Variants in PDE1A observed in about 807,000 individuals in gnomAD.
PDE1A encodes phosphodiesterase 1A, also known as dual specificity calcium/calmodulin-dependent 3',5'-cyclic nucleotide phosphodiesterase 1A.
Under a neutral mutation model 61.7 loss-of-function variants are expected in PDE1A, and 35 were observed. The observed-to-expected ratio is 0.57, with a 90% confidence interval of 0.43 to 0.75. PDE1A has a LOEUF of 0.75. PDE1A is among the 30% of genes least tolerant of loss of function. The pLI, the probability that PDE1A is intolerant of heterozygous loss-of-function variation, is 0.00. For missense variants in PDE1A, 597 were observed against 630.6 expected, an observed-to-expected ratio of 0.95 and a Z score of 0.57; for synonymous variants, 232 against 213.2, an observed-to-expected ratio of 1.09 and a Z score of -0.77.
intron 1 of PDE1A, among the ~76,000 whole-genome samples, chr2:182,358,511 C>T (rs1447537166): frequency 2.6e-5 from 4 of 152,070 alleles, no homozygotes; most frequent in South Asian, 2.1e-4. Flanking sequence ...TCCTAGACAC[C>T]GTGTTTTTCT....
At chr2:182,215,581 G>A (rs929121261) in intron 7 of PDE1A, among the ~76,000 whole-genome samples, 2 of 146,058 alleles carry the variant, frequency 1.4e-5, no homozygotes, top group Non-Finnish European at 3.0e-5. Flanking sequence ...TGATAAAGGG[G>A]ATATCACCAC....
the PDE1A span, among the ~76,000 whole-genome samples, chr2:182,609,030 G>T: frequency 3.3e-5 from 5 of 152,216 alleles, no homozygotes; most frequent in African/African-American, 1.2e-4. Context: ...TTAATTTGGT[G>T]GGGACTTGGA....
At chr2:182,648,148 T>G in the PDE1A span, among the ~76,000 whole-genome samples, 1 of 152,176 alleles carries the variant, frequency 6.6e-6, no homozygotes, top group African/African-American at 2.4e-5. Flanking sequence ...TGGCAATCTG[T>G]GCATATAACA....
At chr2:182,188,560 T>C (rs906362122) in intron 11 of PDE1A, among the ~76,000 whole-genome samples, 2 of 152,166 alleles carry the variant, frequency 1.3e-5, no homozygotes, top group Admixed American at 1.3e-4. Context: ...GACAGAATAT[T>C]TTTCCAAATG....
At chr2:182,628,821 C>T in the PDE1A span, among the ~76,000 whole-genome samples, 1 of 152,098 alleles carries the variant, frequency 6.6e-6, no homozygotes, top group Non-Finnish European at 1.5e-5. Flanking sequence ...CTCTTGACCC[C>T]CCCAGTGATC....
chr2:182,560,887 C>T, the PDE1A span, among the ~76,000 whole-genome samples: 1 of 152,116 alleles, frequency 6.6e-6, no homozygotes, highest in Non-Finnish European at 1.5e-5. Flanking sequence ...TCATGTCCTT[C>T]ACCCACTTTT....
chr2:182,440,343 T>A (rs755864411), intron 2 of PDE1A, among the ~76,000 whole-genome samples: 2 of 152,068 alleles, frequency 1.3e-5, no homozygotes, highest in Non-Finnish European at 2.9e-5. Context: ...TATTAGGAGA[T>A]GACAAATTCC....
intron 2 of PDE1A, 32 bp downstream of exon 2, chr2:182,264,269 A>T: frequency 7.1e-7 from 1 of 1,410,378 alleles, no homozygotes; most frequent in Non-Finnish European, 1.0e-6. Context: ...AGAGAATCAA[A>T]GAAGATAAAA....
chr2:182,522,163 G>A lies in PDE1A; in HGVS notation c.101+113C>T, dbSNP rs67483153. The stretch of plus-strand genomic sequence containing the variant: ...CTGAGGTAGGCACATTTTATTTTTC[G>A]AGAGAAAATCTTTCTAAAGGAAACT... On this transcript the variant is annotated intron_variant, in intron 2 of 14. Transcript: ENST00000410103. 0.064 allele frequency: 52,498 copies of A among 814,990 alleles called. 1,858 individuals carry two copies. The highest frequency in any genetic ancestry group is 0.081 in the Admixed American group (3,400 of 41,796). 50.5% of individuals were successfully genotyped at this position (814,990 alleles called of 1,614,324 possible).
chr2:182,197,782 A>G (rs1034221133), intron 10 of PDE1A, among the ~76,000 whole-genome samples: 8 of 151,978 alleles, frequency 5.3e-5, no homozygotes, highest in Admixed American at 1.3e-4. Flanking sequence ...CCCTATGCCA[A>G]TAACACAGTG....
At chr2:182,621,951 A>G in the PDE1A span, among the ~76,000 whole-genome samples, 3 of 152,180 alleles carry the variant, frequency 2.0e-5, no homozygotes, top group African/African-American at 7.2e-5. Flanking sequence ...AGAATTACAC[A>G]TTTTCATGAC....
the PDE1A span, among the ~76,000 whole-genome samples, chr2:182,669,249 A>C: frequency 1.3e-5 from 2 of 152,206 alleles, no homozygotes; most frequent in Non-Finnish European, 2.9e-5. Flanking sequence ...AAACAAAGGA[A>C]TACTACTTGT....
the PDE1A span, among the ~76,000 whole-genome samples, chr2:182,553,185 G>A: frequency 6.6e-6 from 1 of 152,194 alleles, no homozygotes; most frequent in South Asian, 2.1e-4. Flanking sequence ...TGGAATCCGT[G>A]AGGCCAAGAA....
chr2:182,211,026 G>T (rs554447913), intron 7 of PDE1A, among the ~76,000 whole-genome samples: 1 of 152,260 alleles, frequency 6.6e-6, no homozygotes, highest in Admixed American at 6.5e-5. Flanking sequence ...TAGTAGAAAG[G>T]CAGAGAGTGC....
chr2:182,262,456 G>A (rs1464551245), intron 2 of PDE1A, among the ~76,000 whole-genome samples: 4 of 152,136 alleles, frequency 2.6e-5, no homozygotes, highest in South Asian at 4.2e-4. Flanking sequence ...TTGTAGAGAT[G>A]AGGTTTTGCT....
At chr2:182,559,590 A>G in the PDE1A span, among the ~76,000 whole-genome samples, 2 of 152,200 alleles carry the variant, frequency 1.3e-5, no homozygotes, top group South Asian at 2.1e-4. Flanking sequence ...AAAGCTGAAC[A>G]TAGGTATACC....
chr2:182,367,578 C>A (rs1033096086), intron 1 of PDE1A, among the ~76,000 whole-genome samples: 1 of 151,944 alleles, frequency 6.6e-6, no homozygotes. Context: ...TAGTTAATTT[C>A]TCGATAGAAG....
chr2:182,250,773 T>A (rs1339498303), intron 2 of PDE1A, among the ~76,000 whole-genome samples: 1 of 152,118 alleles, frequency 6.6e-6, no homozygotes, highest in African/African-American at 2.4e-5. Context: ...CAAGTAAGGA[T>A]AATGTTGAAG....
chr2:182,230,116 C>T (rs1689457738), exon 6 of PDE1A: 1 of 1,612,718 alleles, frequency 6.2e-7, no homozygotes, highest in Non-Finnish European at 8.5e-7. Context: ...TCTAAAGCTT[C>T]TGCAAAGGTG....
Sources: allele counts gnomAD v4.1 joint callset (sites outside exome capture counted in the v4.1 genomes callset), GRCh38; gene constraint gnomAD v4.1.1; transcripts MANE v1.5; gene names NCBI Gene and HGNC (gene_info 2026-07-23, HGNC 2026-07-21).